The following REEP3 variants were observed in gnomAD, a reference collection of about 807,000 sequenced individuals.
REEP3 encodes the protein receptor expression-enhancing protein 3.
In REEP3, 20 loss-of-function variants were observed where a neutral mutation model predicts 41.3. The observed-to-expected ratio is 0.48, with a 90% CI of 0.34 to 0.70. The LOEUF is 0.70. Among genes scored for constraint, REEP3 ranks in the 30% least tolerant of loss-of-function variants. REEP3 has a pLI of 0.01. For synonymous variants in REEP3, 104 were observed against 101.8 expected (o/e 1.02, Z -0.13); for missense variants, 271 against 308.8 (o/e 0.88, Z 0.92).
At chr10:63,594,081 C>T (rs1956090111) in intron 2 of REEP3, among the ~76,000 whole-genome samples, 1 of 151,596 alleles carries the variant, frequency 6.6e-6, no homozygotes, top group South Asian at 2.1e-4. Context: ...ATTTATGTAA[C>T]AATTAAATAG....
intron 2 of REEP3, among the ~76,000 whole-genome samples, chr10:63,585,497 A>G (rs1955996988): frequency 6.6e-6 from 1 of 152,164 alleles, no homozygotes; most frequent in African/African-American, 2.4e-5. Flanking sequence ...GTAATCACCT[A>G]TTCTTATCCT....
chr10:63,563,002 G>A (rs1251718386), intron 1 of REEP3: 1 of 456,526 alleles, frequency 2.2e-6, no homozygotes, highest in African/African-American at 2.0e-5. Context: ...TTCCTTCTAA[G>A]AAGAGATTAG....
In REEP3 at chr10:63,531,765, A is replaced by G. The variant is rs371533142; in HGVS notation, c.32+10188A>G. On this transcript the variant is annotated intron_variant, in intron 1 of 7. Transcript: ENST00000373758. ...ATCTCCACCTGAAAATGGCTGTGCT[A>G]TTTTCTATTTGCTGCTTCTATGTAT... 3.9e-5 allele frequency among the ~76,000 whole-genome samples: 6 copies of G among 152,162 alleles called. No individual in the cohort carries two copies. In the East Asian group the frequency reaches 7.7e-4, roughly 20 times the overall value.
At chr10:63,582,731 C>T (rs918042969) in intron 2 of REEP3, among the ~76,000 whole-genome samples, 1 of 151,902 alleles carries the variant, frequency 6.6e-6, no homozygotes, top group African/African-American at 2.4e-5. Context: ...TATAATCACC[C>T]ACCCTTCTTT....
intron 1 of REEP3, among the ~76,000 whole-genome samples, chr10:63,540,226 A>G (rs1173421000): frequency 1.3e-5 from 2 of 152,236 alleles, no homozygotes; most frequent in Non-Finnish European, 2.9e-5. Context: ...AACATTCTCT[A>G]CAGTACCTCA....
intron 6 of REEP3, among the ~76,000 whole-genome samples, chr10:63,615,833 C>T (rs1956307976): frequency 6.6e-6 from 1 of 152,180 alleles, no homozygotes; most frequent in South Asian, 2.1e-4. Context: ...GCATGAGCCA[C>T]CACACCCAGC....
intron 6 of REEP3, among the ~76,000 whole-genome samples, chr10:63,610,859 A>G (rs1385276401): frequency 6.6e-6 from 1 of 152,154 alleles, no homozygotes; most frequent in African/African-American, 2.4e-5. Flanking sequence ...TCACGAGGTT[A>G]GGAGTTCACG....
intron 1 of REEP3, among the ~76,000 whole-genome samples, chr10:63,539,456 G>A (rs1955506340): frequency 6.6e-6 from 1 of 152,114 alleles, no homozygotes; most frequent in South Asian, 2.1e-4. Context: ...TGAGAAACAT[G>A]GTTGATAGAC....
At chr10:63,580,419 G>A (rs534406514) in intron 2 of REEP3, among the ~76,000 whole-genome samples, 5 of 152,244 alleles carry the variant, frequency 3.3e-5, no homozygotes, top group African/African-American at 1.2e-4. Flanking sequence ...TTACAGGTGT[G>A]AGCCACTGCA....
At chr10:63,577,459 T>C (rs2133385448) in intron 2 of REEP3, among the ~76,000 whole-genome samples, 1 of 152,268 alleles carries the variant, frequency 6.6e-6, no homozygotes. Flanking sequence ...GGTCTTGCTG[T>C]GTTGCCCAGG....
chr10:63,555,938 T>G (rs1214528558), intron 1 of REEP3, among the ~76,000 whole-genome samples: 1 of 152,178 alleles, frequency 6.6e-6, no homozygotes. Flanking sequence ...GGTTTAAAAT[T>G]CATCAGAGGA....
intron 2 of REEP3, among the ~76,000 whole-genome samples, chr10:63,570,563 C>T (rs1015542898): frequency 7.2e-5 from 11 of 151,748 alleles, no homozygotes; most frequent in Non-Finnish European, 1.5e-4. Flanking sequence ...GCCTAGTACC[C>T]GGAAAAAAGA....
chr10:63,601,228 C>T (rs1001061169), intron 5 of REEP3, among the ~76,000 whole-genome samples: 4 of 152,138 alleles, frequency 2.6e-5, no homozygotes, highest in South Asian at 2.1e-4. Flanking sequence ...ACAGTGAAAG[C>T]TTGAAGACAG....
At chr10:63,577,171 C>T (rs1955905263) in intron 2 of REEP3, among the ~76,000 whole-genome samples, 1 of 152,186 alleles carries the variant, frequency 6.6e-6, no homozygotes, top group South Asian at 2.1e-4. Flanking sequence ...CAGCATCCTA[C>T]TAGGAGAATA....
intron 1 of REEP3, among the ~76,000 whole-genome samples, chr10:63,540,231 A>C (rs1274946450): frequency 2.0e-5 from 3 of 152,222 alleles, no homozygotes; most frequent in African/African-American, 7.2e-5. Context: ...TCTCTACAGT[A>C]CCTCATGAAA....
chr10:63,619,932 T>TA, intron 7 of REEP3, 132 bp downstream of exon 7: 1 of 923,706 alleles, frequency 1.1e-6, no homozygotes. Context: ...TTTTTTTTTT[T>TA]TTTTTTTTTT....
chr10:63,572,353 G>A (rs1007586510), intron 2 of REEP3, among the ~76,000 whole-genome samples: 2 of 151,560 alleles, frequency 1.3e-5, no homozygotes, highest in African/African-American at 4.9e-5. Context: ...TGTGCGGAAC[G>A]TGTAGGTTTG....
chr10:63,583,606 G>A (rs1002166187), intron 2 of REEP3, among the ~76,000 whole-genome samples: 4 of 152,160 alleles, frequency 2.6e-5, no homozygotes, highest in African/African-American at 9.7e-5. Context: ...AGGTGCCTAA[G>A]AAGTGGGACC....
At chr10:63,608,156 C>T (rs1480252404) in intron 5 of REEP3, among the ~76,000 whole-genome samples, 1 of 152,140 alleles carries the variant, frequency 6.6e-6, no homozygotes, top group African/African-American at 2.4e-5. Flanking sequence ...GTCACTTCCT[C>T]GTAGTATGTC....
Sources: gnomAD v4.1 joint callset for allele counts (sites outside exome capture counted in the v4.1 genomes callset) on GRCh38, gnomAD v4.1.1 for gene constraint, MANE v1.5 for transcripts, NCBI Gene and HGNC (gene_info 2026-07-23, HGNC 2026-07-21) for gene names.